Variants in CCDC7 observed in about 807,000 individuals in gnomAD.
The protein encoded by CCDC7 is coiled-coil domain containing 7.
A neutral mutation model predicts 196.9 loss-of-function variants in CCDC7; 183 were observed. That is an observed-to-expected ratio of 0.93 (90% CI 0.82 to 1.05). The LOEUF is 1.05. Among genes scored for constraint, CCDC7 ranks in the 50% least tolerant of loss-of-function variants. CCDC7 has a pLI of 0.00. For missense variants in CCDC7, 1,540 were observed against 1,482.2 expected, an observed-to-expected ratio of 1.04 and a Z score of -0.64; for synonymous variants, 525 against 484.6, an observed-to-expected ratio of 1.08 and a Z score of -1.10.
At chr10:32,691,575 C>G (rs900677092) in intron 23 of CCDC7, among the ~76,000 whole-genome samples, 1 of 152,142 alleles carries the variant, frequency 6.6e-6, no homozygotes, top group South Asian at 2.1e-4. Context: ...TTTAATTGAG[C>G]TAGTAAAGGC....
At chr10:32,593,017 A>C (rs1047427584) in intron 18 of CCDC7, among the ~76,000 whole-genome samples, 4 of 152,208 alleles carry the variant, frequency 2.6e-5, no homozygotes, top group Non-Finnish European at 5.9e-5. Context: ...ATATGTGTGC[A>C]TGTGTCTTTA....
chr10:32,679,627 T>A (rs967986687), intron 21 of CCDC7, among the ~76,000 whole-genome samples: 5 of 152,196 alleles, frequency 3.3e-5, no homozygotes, highest in African/African-American at 1.2e-4. Context: ...CAGATAATGC[T>A]CAGGAATTAC....
At chr10:32,473,676 A>G (rs2038404666) in intron 7 of CCDC7, among the ~76,000 whole-genome samples, 1 of 152,116 alleles carries the variant, frequency 6.6e-6, no homozygotes, top group Non-Finnish European at 1.5e-5. Context: ...TTGGATATGG[A>G]AGGAAGGAAG....
At chr10:32,867,299 C>T (rs12264294) in intron 41 of CCDC7, among the ~76,000 whole-genome samples, 13,664 of 151,324 alleles carry the variant, frequency 0.09, 729 homozygotes, top group South Asian at 0.25. Flanking sequence ...TAAAGTTTTA[C>T]GGGTAAAGAG....
chr10:32,878,225 A>C (rs1013349816), downstream of CCDC7, among the ~76,000 whole-genome samples: 7 of 151,996 alleles, frequency 4.6e-5, no homozygotes, highest in African/African-American at 7.3e-5. Flanking sequence ...TTTTACATAC[A>C]TTTGATTAGT....
intron 32 of CCDC7, among the ~76,000 whole-genome samples, chr10:32,828,401 A>G (rs1419572826): frequency 1.9e-5 from 2 of 103,182 alleles, no homozygotes; most frequent in Admixed American, 1.2e-4. Flanking sequence ...AAAGAAGAAG[A>G]AGGAGAAGGA....
chr10:32,836,709 C>T (rs2092631032), intron 33 of CCDC7, among the ~76,000 whole-genome samples: 1 of 152,134 alleles, frequency 6.6e-6, no homozygotes, highest in African/African-American at 2.4e-5. Context: ...TCATATCCTT[C>T]ATCCACTTTT....
chr10:32,456,207 G>A (rs907398294), intron 2 of CCDC7, 44 bp from the exon 4 acceptor site: 1 of 1,447,754 alleles, frequency 6.9e-7, no homozygotes. Context: ...ACATGCATAT[G>A]GATTCTTAAA....
At chr10:32,845,852 T>C (rs764326123) in intron 35 of CCDC7, 24 bp from the exon 37 acceptor site, 4 of 1,541,610 alleles carry the variant, frequency 2.6e-6, no homozygotes, top group Admixed American at 3.4e-5. Context: ...ATAAAATATA[T>C]TGAAATCTGT....
At chr10:32,608,690 G>A (rs1022551892) in intron 18 of CCDC7, among the ~76,000 whole-genome samples, 12 of 151,986 alleles carry the variant, frequency 7.9e-5, no homozygotes, top group Non-Finnish European at 1.3e-4. Flanking sequence ...ACAGGCCTGC[G>A]CCACCATGCC....
intron 28 of CCDC7, among the ~76,000 whole-genome samples, chr10:32,765,637 T>G (rs528114295): frequency 4.9e-4 from 75 of 152,154 alleles, no homozygotes; most frequent in African/African-American, 1.8e-3. Flanking sequence ...GGAAGATTAG[T>G]GACTTCATCA....
At chr10:32,872,589 A>C (rs2094467628) in intron 41 of CCDC7, among the ~76,000 whole-genome samples, 1 of 151,930 alleles carries the variant, frequency 6.6e-6, no homozygotes, top group Admixed American at 6.6e-5. Context: ...TTATGATGTT[A>C]GCTGGTTATT....
intron 21 of CCDC7, among the ~76,000 whole-genome samples, chr10:32,667,614 A>G (rs545475042): frequency 6.6e-6 from 1 of 152,246 alleles, no homozygotes; most frequent in Admixed American, 6.5e-5. Context: ...AGCACCATTT[A>G]TTAAATAGGG....
intron 11 of CCDC7, among the ~76,000 whole-genome samples, chr10:32,519,294 CTGACCAAGTGTGAGAATT>C (rs1471931274): frequency 6.6e-6 from 1 of 152,144 alleles, no homozygotes; most frequent in Non-Finnish European, 1.5e-5. Context: ...ACTGAGTAGT[CTGACCAAGTGTGAGAATT>C]TTGCAGCATC....
At chr10:32,745,459 G>A (rs930998063) in intron 28 of CCDC7, among the ~76,000 whole-genome samples, 25 of 152,180 alleles carry the variant, frequency 1.6e-4, no homozygotes, top group African/African-American at 6.0e-4. Context: ...CATATTACAT[G>A]ACAAGTGAGG....
At chr10:32,780,447 T>G (rs991347607) in intron 29 of CCDC7, among the ~76,000 whole-genome samples, 1 of 152,214 alleles carries the variant, frequency 6.6e-6, no homozygotes, top group African/African-American at 2.4e-5. Flanking sequence ...ATTTATGTTA[T>G]GGACACACAA....
At chr10:32,518,539 C>T (rs2047403000) in intron 11 of CCDC7, 34 bp downstream of exon 12, 1 of 1,561,134 alleles carries the variant, frequency 6.4e-7, no homozygotes, top group Non-Finnish European at 8.7e-7. Flanking sequence ...AAATGGCATA[C>T]ACCTAATAAG....
At chr10:32,753,860 CTTAA>C (rs1282732931) in intron 28 of CCDC7, among the ~76,000 whole-genome samples, 3 of 151,892 alleles carry the variant, frequency 2.0e-5, no homozygotes, top group African/African-American at 7.2e-5. Flanking sequence ...TACATGTTTT[CTTAA>C]TTGTTTATTT....
chr10:32,617,840 T>C (rs1442475485), intron 18 of CCDC7, among the ~76,000 whole-genome samples: 1 of 152,036 alleles, frequency 6.6e-6, no homozygotes, highest in Non-Finnish European at 1.5e-5. Flanking sequence ...GTTCAGTGTT[T>C]CTTTGTTAAA....
Sources: gnomAD v4.1 joint callset for allele counts (sites outside exome capture counted in the v4.1 genomes callset) on GRCh38, gnomAD v4.1.1 for gene constraint, MANE v1.5 for transcripts, NCBI Gene and HGNC (gene_info 2026-07-23, HGNC 2026-07-21) for gene names.